Variants in GALNTL6 observed in about 807,000 individuals in gnomAD.
The protein encoded by GALNTL6 is polypeptide N-acetylgalactosaminyltransferase-like 6.
A neutral mutation model predicts 73.7 loss-of-function variants in GALNTL6; 46 were observed. The observed-to-expected ratio is 0.62, with a 90% CI of 0.49 to 0.80. The LOEUF is 0.80. Ranked by LOEUF, GALNTL6 falls within the 30% of genes least tolerant of loss-of-function variation. The pLI is 0.00. For synonymous variants in GALNTL6, 259 were observed against 263.7 expected (o/e 0.98, Z 0.17); for missense variants, 604 against 755.0 (o/e 0.80, Z 2.34).
chr4:172,517,214 G>T (rs1306505021), intron 5 of GALNTL6, among the ~76,000 whole-genome samples: 1 of 151,558 alleles, frequency 6.6e-6, no homozygotes, highest in Non-Finnish European at 1.5e-5. Flanking sequence ...TTGAAATTAT[G>T]TAAAGAAAAT....
chr4:172,804,345 G>A (rs879082757), intron 5 of GALNTL6, among the ~76,000 whole-genome samples: 5 of 152,226 alleles, frequency 3.3e-5, no homozygotes, highest in East Asian at 3.9e-4. Context: ...AGTATCACCC[G>A]TAATAACTAG....
chr4:172,199,122 C>T (rs1246472020), intron 2 of GALNTL6, among the ~76,000 whole-genome samples: 1 of 152,068 alleles, frequency 6.6e-6, no homozygotes, highest in Admixed American at 6.5e-5. Flanking sequence ...GTTTTATCCT[C>T]CACTCCTGAA....
At chr4:172,727,938 A>T (rs2111379684) in intron 5 of GALNTL6, among the ~76,000 whole-genome samples, 1 of 152,116 alleles carries the variant, frequency 6.6e-6, no homozygotes, top group Middle Eastern at 3.4e-3. Flanking sequence ...TTTGAGACAG[A>T]GTCTCGCTGT....
intron 5 of GALNTL6, among the ~76,000 whole-genome samples, chr4:172,614,159 CATCT>C (rs985902600): frequency 2.6e-4 from 39 of 151,296 alleles, no homozygotes; most frequent in African/African-American, 8.0e-4. Flanking sequence ...TTCTGTCTAT[CATCT>C]ATCTATCTCT....
chr4:172,908,597 T>C (rs2111257265), intron 8 of GALNTL6, among the ~76,000 whole-genome samples: 2 of 144,664 alleles, frequency 1.4e-5, no homozygotes, highest in African/African-American at 5.3e-5. Context: ...GGGTAAAATA[T>C]GCATGAGCGT....
intron 2 of GALNTL6, among the ~76,000 whole-genome samples, chr4:172,065,733 C>T (rs534159984): frequency 2.3e-4 from 35 of 152,184 alleles, no homozygotes; most frequent in Admixed American, 7.8e-4. Context: ...TAAAGAAAAA[C>T]GGTTTAATTG....
At chr4:172,902,969 C>G (rs560767624) in intron 8 of GALNTL6, among the ~76,000 whole-genome samples, 2 of 152,332 alleles carry the variant, frequency 1.3e-5, no homozygotes, top group African/African-American at 4.8e-5. Flanking sequence ...TACAATTCCT[C>G]ATCGTCACTA....
intron 3 of GALNTL6, among the ~76,000 whole-genome samples, chr4:172,304,624 T>C (rs1377547770): frequency 6.6e-6 from 1 of 152,210 alleles, no homozygotes; most frequent in Non-Finnish European, 1.5e-5. Context: ...TCTCTTGTAT[T>C]CTAGTTACTT....
intron 8 of GALNTL6, among the ~76,000 whole-genome samples, chr4:172,921,197 G>A (rs1201176775): frequency 6.6e-6 from 1 of 152,196 alleles, no homozygotes; most frequent in East Asian, 1.9e-4. Context: ...AGATTAGAGA[G>A]ATAGCCAATT....
chr4:172,225,708 A>C (rs1736838776), intron 2 of GALNTL6, among the ~76,000 whole-genome samples: 2 of 152,258 alleles, frequency 1.3e-5, no homozygotes, highest in South Asian at 4.1e-4. Flanking sequence ...GTGAGCCAAG[A>C]TTGCCCCACT....
intron 5 of GALNTL6, among the ~76,000 whole-genome samples, chr4:172,421,233 T>C (rs1731044466): frequency 6.6e-6 from 1 of 152,154 alleles, no homozygotes; most frequent in African/African-American, 2.4e-5. Flanking sequence ...TGATACTGTA[T>C]AATATTGAAT....
intron 5 of GALNTL6, among the ~76,000 whole-genome samples, chr4:172,590,508 A>C (rs1424369607): frequency 6.6e-6 from 1 of 152,206 alleles, no homozygotes; most frequent in Non-Finnish European, 1.5e-5. Flanking sequence ...GCCTTCCAGC[A>C]GTTCCTTTTG....
intron 7 of GALNTL6, among the ~76,000 whole-genome samples, chr4:172,866,961 C>A (rs902854267): frequency 2.0e-5 from 3 of 152,126 alleles, no homozygotes; most frequent in Non-Finnish European, 4.4e-5. Context: ...ATCTTGTCCT[C>A]AGAGAGGATA....
chr4:172,943,763 A>G (rs1749024385), intron 9 of GALNTL6, among the ~76,000 whole-genome samples: 1 of 152,226 alleles, frequency 6.6e-6, no homozygotes, highest in African/African-American at 2.4e-5. Flanking sequence ...CAACTTAGCA[A>G]CAACAAACAC....
At chr4:172,435,589 C>T (rs184616816) in intron 5 of GALNTL6, among the ~76,000 whole-genome samples, 1 of 152,204 alleles carries the variant, frequency 6.6e-6, no homozygotes, top group Admixed American at 6.6e-5. Context: ...GCTGATGAGT[C>T]TGTCTTAATA....
At position 172,932,289 on chromosome 4, in the gene GALNTL6, T is replaced by C. The variant is rs558660846; in HGVS notation, c.1149+1021T>C. On this transcript the variant is annotated intron_variant, in intron 9 of 12. Coordinates refer to ENST00000506823, the MANE Select transcript of GALNTL6 (RefSeq NM_001034845.3). ...AAACGGGGCTTAGGGAACACTCAGA[T>C]ATTTGTTGAAAGAATTAATTAATCA... Among the ~76,000 whole-genome samples the C allele has an allele frequency of 2.4e-4, 37 of 152,326 alleles. No homozygotes were observed. The South Asian group carries it at 7.5e-3, about 31-fold the overall frequency.
intron 2 of GALNTL6, among the ~76,000 whole-genome samples, chr4:172,073,404 G>A (rs1308956685): frequency 6.6e-6 from 1 of 152,138 alleles, no homozygotes; most frequent in Non-Finnish European, 1.5e-5. Flanking sequence ...TTGATTAAAA[G>A]AAACTATGGC....
intron 2 of GALNTL6, among the ~76,000 whole-genome samples, chr4:172,067,950 C>T (rs1401215382): frequency 3.6e-5 from 4 of 109,880 alleles, no homozygotes; most frequent in African/African-American, 1.4e-4. Context: ...AATGGTGAAT[C>T]AGTTCCTCTT....
chr4:172,133,500 G>T (rs1355908461), intron 2 of GALNTL6, among the ~76,000 whole-genome samples: 1 of 152,188 alleles, frequency 6.6e-6, no homozygotes, highest in East Asian at 1.9e-4. Flanking sequence ...ATATTCTATT[G>T]TGTAGTGAAA....
Sources: allele counts gnomAD v4.1 joint callset (sites outside exome capture counted in the v4.1 genomes callset), GRCh38; gene constraint gnomAD v4.1.1; transcripts MANE v1.5; gene names NCBI Gene and HGNC (gene_info 2026-07-23, HGNC 2026-07-21).